CAPN14: variants seen among roughly 807,000 people sequenced by gnomAD.
CAPN14 encodes calpain 14.
In CAPN14, 94 loss-of-function variants were observed where a neutral mutation model predicts 101.3. That is an observed-to-expected ratio of 0.93 (90% CI 0.79 to 1.10). The LOEUF (loss-of-function observed/expected upper bound fraction) is 1.10. Among genes scored for constraint, CAPN14 ranks in the 50% least tolerant of loss-of-function variants. CAPN14 has a pLI of 0.00. For missense variants in CAPN14, 837 were observed against 828.4 expected (o/e 1.01, Z -0.13); for synonymous variants, 338 against 317.9 (o/e 1.06, Z -0.67).
intron 1 of CAPN14, among the ~76,000 whole-genome samples, 178 bp from the exon 2 acceptor site, chr2:31,205,677 G>C (rs868222980): frequency 1.3e-5 from 2 of 152,184 alleles, no homozygotes; most frequent in African/African-American, 4.8e-5. Context: ...ACTCACTCAA[G>C]TGCTTGAGGA....
rs1335918445 is a variant in CAPN14, at chr2:31,205,496, G to T, written c.-49C>A. 6 of 1,429,996 alleles carry T rather than the reference G, an allele frequency of 4.2e-6. No homozygotes were observed. The highest frequency in any genetic ancestry group is 1.8e-4 in the Middle Eastern group (1 of 5,566). The allele number at this position is 1,429,996 out of a possible 1,614,324, so 88.6% of individuals were successfully genotyped here. A position where few individuals can be genotyped will look rare whatever the true frequency, so the allele number is the denominator to read the frequency against. On this transcript the variant is annotated 5_prime_UTR_variant, in exon 2 of 22. Coordinates refer to ENST00000403897, the MANE Select transcript of CAPN14 (RefSeq NM_001145122.2). ...TGAGTCTTCCTGAGGAGTCTCTGCT[G>T]CTCCTGAAATGGAGAGAGGACGGTC...
chr2:31,199,917 A>C (rs925773673), intron 6 of CAPN14, among the ~76,000 whole-genome samples: 1 of 152,238 alleles, frequency 6.6e-6, no homozygotes, highest in Admixed American at 6.5e-5. Flanking sequence ...CTGGCACTTA[A>C]TAATTGTTAG....
At chr2:31,216,696 G>A (rs1227858866) in intron 1 of CAPN14, among the ~76,000 whole-genome samples, 1 of 152,112 alleles carries the variant, frequency 6.6e-6, no homozygotes, top group Admixed American at 6.6e-5. Flanking sequence ...GTCACCCTGT[G>A]CCTCCATAGG....
At chr2:31,197,144 C>G in intron 8 of CAPN14, 105 bp downstream of exon 8, 1 of 731,392 alleles carries the variant, frequency 1.4e-6, no homozygotes, top group Non-Finnish European at 2.3e-6. Context: ...CTTCCTGATC[C>G]AGCCTAAGAC....
Position 31,200,376 on chromosome 2 carries a change from T to G in CAPN14, c.726+75A>C, listed in dbSNP as rs1681691415. On this transcript the variant is annotated intron_variant, in intron 6 of 21. Transcript: ENST00000403897. ...TGGAGGCCCTGAGCCCACACCCAGGTGAGGGTAGTGGTGGTGGATGGAGGG... is the reference window on the plus strand; with the variant it reads ...TGGAGGCCCTGAGCCCACACCCAGGGGAGGGTAGTGGTGGTGGATGGAGGG... 19 of 1,316,122 alleles carry G rather than the reference T, an allele frequency of 1.4e-5. No homozygotes were observed. In the East Asian group the frequency reaches 2.3e-4, roughly 16 times the overall value. 81.5% of individuals were successfully genotyped at this position (1,316,122 alleles called of 1,614,324 possible). A position where few individuals can be genotyped will look rare whatever the true frequency, so the allele number is the denominator to read the frequency against.
chr2:31,219,770 C>T (rs1682805102), upstream of CAPN14, among the ~76,000 whole-genome samples: 1 of 152,212 alleles, frequency 6.6e-6, no homozygotes, highest in Non-Finnish European at 1.5e-5. Flanking sequence ...AAGCCATTTC[C>T]TCTTTCTGGG....
At position 31,178,566 on chromosome 2, in the gene CAPN14, C is replaced by T; in HGVS notation, c.1724G>A (p.Gly575Asp). The change falls in exon 18 of 22, where the codon GGT (glycine) becomes GAT (aspartate). Residue 575 changes from glycine (G) to aspartate (D), a missense_variant. Coordinates refer to ENST00000403897, the MANE Select transcript of CAPN14 (RefSeq NM_001145122.2). ...ILALLDLNAS[G>D]TMSIQEFRDL... ...CCTGAATTCCTGGATGCTCATAGTA[C>T]CTGATGCATTAAGCTGATTAATAGG... is the stretch of plus-strand genomic sequence containing the variant. 2 of 1,544,186 alleles carry T rather than the reference C, an allele frequency of 1.3e-6. No homozygotes were observed. The highest frequency in any genetic ancestry group is 1.7e-6 in the Non-Finnish European group (2 of 1,144,074).
At chr2:31,231,201 T>C (rs377481870) in intron 1 of CAPN14, among the ~76,000 whole-genome samples, 2 of 152,284 alleles carry the variant, frequency 1.3e-5, no homozygotes, top group East Asian at 1.9e-4. Flanking sequence ...CTAAGCTTTT[T>C]TTTACTATTG....
chr2:31,199,785 G>A (rs1681657094), intron 6 of CAPN14, among the ~76,000 whole-genome samples: 1 of 152,172 alleles, frequency 6.6e-6, no homozygotes, highest in African/African-American at 2.4e-5. Context: ...TTAGAGTTGA[G>A]TCAATGTGTG....
intron 1 of CAPN14, among the ~76,000 whole-genome samples, chr2:31,209,826 G>A (rs1682296325): frequency 6.6e-6 from 1 of 152,132 alleles, no homozygotes; most frequent in Non-Finnish European, 1.5e-5. Flanking sequence ...CATCATGGGA[G>A]TGTCCATACC....
At chr2:31,179,265 A>G (rs1168981127) in intron 17 of CAPN14, among the ~76,000 whole-genome samples, 5 of 151,330 alleles carry the variant, frequency 3.3e-5, no homozygotes, top group Non-Finnish European at 5.9e-5. Flanking sequence ...TGTTCCCCAC[A>G]CTTGTCCAGG....
In CAPN14 at chr2:31,187,875, A is replaced by C. The variant is rs1252918313; in HGVS notation, c.1531-61T>G. Reference sequence around the variant, plus strand: ...CACCTGTATAAACGGACTTTCGTGCACACCCTAATGTCTCATGGCTTCCAG... The same window carrying C: ...CACCTGTATAAACGGACTTTCGTGCCCACCCTAATGTCTCATGGCTTCCAG... On this transcript the variant is annotated intron_variant, in intron 14 of 21. Coordinates refer to ENST00000403897, the MANE Select transcript of CAPN14 (RefSeq NM_001145122.2). 3.1e-6 allele frequency: 4 copies of C among 1,306,256 alleles called. No homozygotes were observed. The African/African-American group carries it at 6.0e-5, about 20-fold the overall frequency. 80.9% of individuals were successfully genotyped at this position (1,306,256 alleles called of 1,614,324 possible).
upstream of CAPN14, among the ~76,000 whole-genome samples, chr2:31,221,548 GT>G (rs143895594): frequency 0.046 from 6,938 of 150,732 alleles, 511 homozygotes; most frequent in African/African-American, 0.16. Flanking sequence ...TTGGGGTTTG[GT>G]TTTTTTTTGG....
At chr2:31,180,851 G>A in intron 17 of CAPN14, 85 bp downstream of exon 17, 2 of 1,161,086 alleles carry the variant, frequency 1.7e-6, no homozygotes, top group Non-Finnish European at 2.5e-6. Flanking sequence ...AAGGATTGGG[G>A]TTGGGATTCA....
Position 31,187,807 on chromosome 2 carries a change from T to G in CAPN14, c.1538A>C (p.Glu513Ala). Residue 513 changes from glutamate to alanine, a missense_variant, in exon 15 of 22, where the codon GAA (glutamate) becomes GCA (alanine). Glu to Ala is a moderately radical substitution (Grantham distance 107, BLOSUM62 -1). Transcript: ENST00000403897. ...TTCATCCTGCCTTTCATTTTGGTCTTCTATCTCCTATAGGAAGAGACACAC... is the reference window on the plus strand; with the variant it reads ...TTCATCCTGCCTTTCATTTTGGTCTGCTATCTCCTATAGGAAGAGACACAC... ...NSGVVFSKEI[E>A]DQNERQDEFF... is the part of the protein sequence containing the mutation. 2 of 1,550,940 alleles carry G rather than the reference T, an allele frequency of 1.3e-6. No homozygotes were observed. Among genetic ancestry groups the G allele is most frequent in the Middle Eastern group, 3.3e-4 (2 of 5,998 alleles).
chr2:31,199,474 C>T lies in CAPN14; in HGVS notation c.785G>A (p.Arg262Lys), dbSNP rs1681641509. 6.4e-7 allele frequency: 1 copy of T among 1,551,580 alleles called. No individual in the cohort carries two copies. The highest frequency in any genetic ancestry group is 8.7e-7 in the Non-Finnish European group (1 of 1,146,926). The part of the protein sequence containing the change: ...EGHAYTLTGI[R>K]KVTCKHRPEY... ...GAAGGGCCAACCTCAACCCACCTTCCTGATTCCTGTGAGAGTATAGGCATG... is the reference window on the plus strand; with the variant it reads ...GAAGGGCCAACCTCAACCCACCTTCTTGATTCCTGTGAGAGTATAGGCATG... The change falls in exon 7 of 22, where the codon AGG (arginine) becomes AAG (lysine). Residue 262 changes from arginine to lysine, a missense_variant. Physicochemically the swap from Arg to Lys is conservative, Grantham distance 26. Coordinates refer to ENST00000403897, the MANE Select transcript of CAPN14 (RefSeq NM_001145122.2).
At chr2:31,195,154 G>A (rs12105603) in intron 8 of CAPN14, among the ~76,000 whole-genome samples, 30,127 of 151,818 alleles carry the variant, frequency 0.2, 3,279 homozygotes, top group East Asian at 0.37. Context: ...CAAAGTATCC[G>A]AAAGGAGGGG....
chr2:31,176,156 C>T (rs1171784160), intron 21 of CAPN14, among the ~76,000 whole-genome samples: 1 of 152,146 alleles, frequency 6.6e-6, no homozygotes, highest in African/African-American at 2.4e-5. Flanking sequence ...TTGTGTTTCT[C>T]CCATTTCCCT....
At chr2:31,231,469 C>T (rs1032602496) in intron 1 of CAPN14, among the ~76,000 whole-genome samples, 2 of 152,072 alleles carry the variant, frequency 1.3e-5, no homozygotes, top group Admixed American at 6.5e-5. Context: ...CAGATTTATC[C>T]GTAAGTTTTT....
Sources: gnomAD v4.1 joint callset for allele counts (sites outside exome capture counted in the v4.1 genomes callset) on GRCh38, gnomAD v4.1.1 for gene constraint, MANE v1.5 for transcripts, NCBI Gene and HGNC (gene_info 2026-07-23, HGNC 2026-07-21) for gene names.